The following ESR1 variants were observed in gnomAD, a reference collection of about 807,000 sequenced individuals.
The protein encoded by ESR1 is estrogen receptor.
A neutral mutation model predicts 52.7 loss-of-function variants in ESR1; 12 were observed. That is an observed-to-expected ratio of 0.23 (90% confidence interval 0.15 to 0.37). ESR1 has a LOEUF of 0.37. Ranked by LOEUF, ESR1 falls within the 10% of genes least tolerant of loss-of-function variation. The pLI is 1.00. For synonymous variants in ESR1, 305 were observed against 316.8 expected (o/e 0.96, Z 0.39); for missense variants, 584 against 779.7 (o/e 0.75, Z 2.99).
intron 4 of ESR1, among the ~76,000 whole-genome samples, chr6:151,949,217 G>A (rs916460471): frequency 6.6e-6 from 1 of 152,186 alleles, no homozygotes; most frequent in Non-Finnish European, 1.5e-5. Flanking sequence ...GACTTTAGCA[G>A]GCTTCAACTC....
chr6:151,783,131 C>T (rs1175547192), intron 2 of ESR1, among the ~76,000 whole-genome samples: 1 of 152,272 alleles, frequency 6.6e-6, no homozygotes, highest in Admixed American at 6.5e-5. Flanking sequence ...ATGACTGTCA[C>T]AGTGACTTGT....
intron 3 of ESR1, among the ~76,000 whole-genome samples, chr6:151,931,420 A>G (rs961698882): frequency 6.6e-6 from 1 of 151,584 alleles, no homozygotes; most frequent in Non-Finnish European, 1.5e-5. Flanking sequence ...CTTTTATTGT[A>G]TGTTGTCTTC....
At chr6:152,106,921 A>G (rs1341076632), downstream of ESR1, among the ~76,000 whole-genome samples, 1 of 151,996 alleles carries the variant, frequency 6.6e-6, no homozygotes, top group African/African-American at 2.4e-5. Flanking sequence ...CTTTGTATAT[A>G]TCATCCCATT....
At chr6:152,008,985 G>A (rs1221228095) in intron 4 of ESR1, among the ~76,000 whole-genome samples, 1 of 151,998 alleles carries the variant, frequency 6.6e-6, no homozygotes, top group Non-Finnish European at 1.5e-5. Context: ...CGTGGGTATT[G>A]AGAAAGAGGA....
chr6:152,106,784 A>T (rs2051072130), downstream of ESR1, among the ~76,000 whole-genome samples: 1 of 151,796 alleles, frequency 6.6e-6, no homozygotes, highest in Non-Finnish European at 1.5e-5. Context: ...TTATTTATTT[A>T]TTGTAGAGAT....
chr6:151,817,716 A>G (rs184776770), intron 1 of ESR1, among the ~76,000 whole-genome samples: 1 of 152,356 alleles, frequency 6.6e-6, no homozygotes, highest in Non-Finnish European at 1.5e-5. Context: ...AAACATGGAC[A>G]CAAACACACA....
At chr6:151,970,766 C>T (rs1038666324) in intron 4 of ESR1, among the ~76,000 whole-genome samples, 1 of 152,192 alleles carries the variant, frequency 6.6e-6, no homozygotes, top group Non-Finnish European at 1.5e-5. Context: ...CTGTTCAAGA[C>T]AGTTTCCAAT....
At chr6:152,064,173 A>G (rs1052268522) in intron 6 of ESR1, among the ~76,000 whole-genome samples, 2 of 152,244 alleles carry the variant, frequency 1.3e-5, no homozygotes, top group African/African-American at 2.4e-5. Context: ...GGTTAATCCA[A>G]GATGCCAACT....
At chr6:151,729,905 T>C (rs776522330) in intron 2 of ESR1, among the ~76,000 whole-genome samples, 1 of 151,998 alleles carries the variant, frequency 6.6e-6, no homozygotes, top group Non-Finnish European at 1.5e-5. Flanking sequence ...CTGGGCAACA[T>C]AGTGAGACTT....
At chr6:151,826,934 G>T (rs1312909276) in intron 1 of ESR1, among the ~76,000 whole-genome samples, 1 of 152,166 alleles carries the variant, frequency 6.6e-6, no homozygotes, top group African/African-American at 2.4e-5. Context: ...CTGGTGAAAA[G>T]CAATTTAGGC....
chr6:151,752,171 G>A (rs1783949293), intron 2 of ESR1, among the ~76,000 whole-genome samples: 1 of 152,176 alleles, frequency 6.6e-6, no homozygotes, highest in Non-Finnish European at 1.5e-5. Context: ...AAGCAGCCAT[G>A]TCCAATTAGC....
intron 5 of ESR1, among the ~76,000 whole-genome samples, chr6:152,041,287 G>A (rs1417870986): frequency 6.6e-6 from 1 of 152,172 alleles, no homozygotes; most frequent in East Asian, 1.9e-4. Context: ...AGAGCAGCTT[G>A]CCAAGCATTC....
chr6:151,822,024 A>T, intron 1 of ESR1, among the ~76,000 whole-genome samples: 1 of 152,234 alleles, frequency 6.6e-6, no homozygotes, highest in East Asian at 1.9e-4. Flanking sequence ...GACACAACTT[A>T]TTCTACAGAG....
chr6:151,684,982 G>A (rs1398968770), intron 1 of ESR1, among the ~76,000 whole-genome samples: 1 of 152,120 alleles, frequency 6.6e-6, no homozygotes, highest in Non-Finnish European at 1.5e-5. Context: ...GGTTTACAGA[G>A]ATTTTTCTTC....
At position 151,986,816 on chromosome 6, in the gene ESR1, A is replaced by G. The variant is rs182262919; in HGVS notation, c.1097-24840A>G. Among the ~76,000 whole-genome samples the G allele has an allele frequency of 4.9e-4, 74 of 152,222 alleles. No individual in the cohort carries two copies. The East Asian group carries it at 0.012, about 25-fold the overall frequency. ...GACATCTTGGTATGAAAGTTAAAGA[A>G]TATGAATCATTTGTTCTCTCCCTTC... is the stretch of plus-strand genomic sequence containing the variant. On this transcript the variant is annotated intron_variant, in intron 4 of 7. Transcript: ENST00000206249.
upstream of ESR1, chr6:151,807,531 CT>C (rs1353781897): frequency 8.2e-6 from 3 of 367,138 alleles, no homozygotes; most frequent in Non-Finnish European, 1.6e-5. Context: ...GGAAGCTGCT[CT>C]TTGGGATCGC....
intron 6 of ESR1, among the ~76,000 whole-genome samples, chr6:152,108,817 T>C (rs2051097878): frequency 6.6e-6 from 1 of 152,232 alleles, no homozygotes; most frequent in Non-Finnish European, 1.5e-5. Flanking sequence ...TTACCACGTT[T>C]AGATTTGCTT....
chr6:151,890,855 C>G (rs548180369), intron 3 of ESR1, among the ~76,000 whole-genome samples: 2 of 152,132 alleles, frequency 1.3e-5, no homozygotes, highest in Admixed American at 6.5e-5. Flanking sequence ...TTGGTCCCTT[C>G]GCCTTCATTC....
At chr6:151,986,971 G>T (rs2040549020) in intron 4 of ESR1, among the ~76,000 whole-genome samples, 1 of 151,988 alleles carries the variant, frequency 6.6e-6, no homozygotes, top group South Asian at 2.1e-4. Flanking sequence ...ATTTTTGCAT[G>T]GCAGGCTTTG....
Sources: allele counts gnomAD v4.1 joint callset (sites outside exome capture counted in the v4.1 genomes callset), GRCh38; gene constraint gnomAD v4.1.1; transcripts MANE v1.5; gene names NCBI Gene and HGNC (gene_info 2026-07-23, HGNC 2026-07-21).